ETFDH: variants seen among roughly 807,000 people sequenced by gnomAD.
The protein encoded by ETFDH is electron transfer flavoprotein dehydrogenase, also known as electron transfer flavoprotein-ubiquinone oxidoreductase, mitochondrial.
A neutral mutation model predicts 73.2 loss-of-function variants in ETFDH; 61 were observed. The ratio of observed to expected loss-of-function variants is 0.83; its 90% confidence interval spans 0.68 to 1.03. The LOEUF (loss-of-function observed/expected upper bound fraction) is 1.03. Among genes scored for constraint, ETFDH ranks in the 50% least tolerant of loss-of-function variants. The pLI is 0.00. For synonymous variants in ETFDH, 243 were observed against 253.3 expected (o/e 0.96, Z 0.39); for missense variants, 685 against 745.0 (o/e 0.92, Z 0.94).
At chr4:158,673,012 T>A (rs1773617467) in intron 1 of ETFDH, among the ~76,000 whole-genome samples, 1 of 152,154 alleles carries the variant, frequency 6.6e-6, no homozygotes, top group Admixed American at 6.5e-5. Flanking sequence ...CTGCGTTGTC[T>A]AAAATTAAGG....
At position 158,682,251 on chromosome 4, in the gene ETFDH, C is replaced by G. The variant is rs750630029; in HGVS notation, c.232C>G (p.Pro78Ala). 1.2e-6 allele frequency: 2 copies of G among 1,614,036 alleles called. No individual in the cohort carries two copies. The highest frequency in any genetic ancestry group is 8.5e-7 in the Non-Finnish European group (1 of 1,179,992). ...EADVVIVGAG[P>A]AGLSAAVRLK... ...AGATGTTGTAATAGTTGGTGCAGGC[C>G]CTGCAGGGCTCTCTGCAGCTGTTCG... Residue 78 changes from proline to alanine, a missense_variant, in exon 3 of 13, where the codon CCT becomes GCT. Physicochemically the swap from Pro to Ala is conservative, Grantham distance 27. Transcript: ENST00000511912.
rs1180648942 is a variant in ETFDH at position 158,682,220 on chromosome 4, A to G, written c.201A>G (p.Glu67=). ...GAGTGAACATGGAAAGGTTTGCAGA[A>G]GAAGCAGATGTTGTAATAGTTGGTG... The part of the protein sequence containing the change: ...WEGVNMERFA[E]EADVVIVGAG... Residue 67 remains glutamate, a synonymous_variant, in exon 3 of 13, where the codon GAA becomes GAG. Coordinates refer to ENST00000511912, the MANE Select transcript of ETFDH (RefSeq NM_004453.4). 1.9e-6 allele frequency: 3 copies of G among 1,614,200 alleles called. No homozygotes were observed. The highest frequency in any genetic ancestry group is 3.3e-5 in the Admixed American group (2 of 60,024).
chr4:158,697,817 AT>A, intron 8 of ETFDH, 118 bp downstream of exon 8: 2 of 944,886 alleles, frequency 2.1e-6, no homozygotes, highest in Non-Finnish European at 3.4e-6. Flanking sequence ...AAGCTTTCTA[AT>A]TTTATCAATA....
Position 158,703,575 on chromosome 4 carries a change from C to G in ETFDH, c.1269C>G (p.Leu423=), listed in dbSNP as rs762876224. Residue 423 remains leucine (L), a synonymous_variant, in exon 10 of 13, where the codon CTC becomes CTG. Transcript: ENST00000511912. The stretch of plus-strand genomic sequence containing the variant: ...TTAATCAACTAACTAGTGAAAATCT[C>G]CAATCAAAGACAATAGGTAAGAAAT... ...SIFNQLTSEN[L]QSKTIGLHVT... is the part of the protein sequence containing the mutation. 6.2e-7 allele frequency: 1 copy of G among 1,603,464 alleles called. No homozygotes were observed. The highest frequency in any genetic ancestry group is 8.5e-7 in the Non-Finnish European group (1 of 1,170,732).
rs369624723 is a variant in ETFDH at position 158,677,097 on chromosome 4, G to A, written c.35-3370G>A. Among the ~76,000 whole-genome samples the A allele has an allele frequency of 2.0e-5, 3 of 152,162 alleles. No individual in the cohort carries two copies. The East Asian group carries it at 5.8e-4, about 29-fold the overall frequency. ...AACTGTATTTTTTGTCGTTGCTTGT[G>A]TTTTTGGTTGTTCTATCAAAGAAAC... On this transcript the variant is annotated intron_variant, in intron 1 of 12. Coordinates refer to ENST00000511912, the MANE Select transcript of ETFDH (RefSeq NM_004453.4).
intron 1 of ETFDH, among the ~76,000 whole-genome samples, chr4:158,677,239 G>A (rs1773732645): frequency 6.6e-6 from 1 of 152,224 alleles, no homozygotes; most frequent in Admixed American, 6.5e-5. Flanking sequence ...GAGGTCCTGA[G>A]AACATGTATC....
intron 6 of ETFDH, 96 bp from the exon 7 acceptor site, chr4:158,695,401 T>A: frequency 1.1e-6 from 1 of 909,926 alleles, no homozygotes; most frequent in Non-Finnish European, 1.8e-6. Context: ...CACTGTCTCT[T>A]CTACATCTGA....
At chr4:158,681,833 A>C in intron 2 of ETFDH, 1 of 331,962 alleles carries the variant, frequency 3.0e-6, no homozygotes, top group South Asian at 2.6e-5. Context: ...AGTTTGTGTA[A>C]GTATACTCTA....
intron 6 of ETFDH, 66 bp from the exon 7 acceptor site, chr4:158,695,431 C>A: frequency 7.6e-7 from 1 of 1,310,344 alleles, no homozygotes; most frequent in Non-Finnish European, 1.1e-6. Context: ...CAATTTAAAT[C>A]TGACCAGAAT....
chr4:158,681,491 G>C (rs572567164), intron 2 of ETFDH: 1 of 152,044 alleles, frequency 6.6e-6, no homozygotes, highest in East Asian at 1.9e-4. Flanking sequence ...TATAAATTGC[G>C]TGTAACCTAA....
In ETFDH at chr4:158,697,461, A is replaced by G. The variant is rs562222541; in HGVS notation, c.832-98A>G. 1.5e-5 allele frequency: 15 copies of G among 978,524 alleles called. No homozygotes were observed. In the East Asian group the frequency reaches 3.1e-4, roughly 21 times the overall value. 60.6% of individuals were successfully genotyped at this position (978,524 alleles called of 1,614,324 possible). On this transcript the variant is annotated intron_variant, in intron 7 of 12. Coordinates refer to ENST00000511912, the MANE Select transcript of ETFDH (RefSeq NM_004453.4). ...CAGTTTTTCACTTGTAATTTTCATA[A>G]ATAAGACATTAAACCTGGCAAGTTT...
intron 12 of ETFDH, 115 bp downstream of exon 12, chr4:158,706,965 C>T: frequency 1.4e-6 from 1 of 697,794 alleles, no homozygotes; most frequent in Non-Finnish European, 2.5e-6. Flanking sequence ...TTGTAAATGA[C>T]TTCATCCAGC....
rs1456188483 is a variant in ETFDH at position 158,690,371 on chromosome 4, T to C, written c.630T>C (p.Ser210=). Residue 210 remains serine, a synonymous_variant, in exon 6 of 13, where the codon AGT becomes AGC. Transcript: ENST00000511912. ...AGGTCCTTTTTCATGATGATGGTAG[T>C]GTAAAAGGAATTGCCACTAACGATG... The part of the protein sequence containing the change: ...AAEVLFHDDG[S]VKGIATNDVG... 1 of 1,599,368 alleles carries C rather than the reference T, an allele frequency of 6.3e-7. No homozygotes were observed. Among genetic ancestry groups the C allele is most frequent in the Non-Finnish European group, 8.6e-7 (1 of 1,166,518 alleles).
intron 6 of ETFDH, among the ~76,000 whole-genome samples, chr4:158,693,728 C>T (rs1774238282): frequency 6.6e-6 from 1 of 152,072 alleles, no homozygotes; most frequent in South Asian, 2.1e-4. Context: ...ATACTAAAAA[C>T]CTGTGAAAAA....
At chr4:158,688,545 C>T (rs917762574) in intron 5 of ETFDH, among the ~76,000 whole-genome samples, 9 of 151,366 alleles carry the variant, frequency 5.9e-5, no homozygotes, top group African/African-American at 1.7e-4. Flanking sequence ...TGGTGGTGGG[C>T]ACCTGTAGTC....
chr4:158,676,892 T>C (rs543567893), intron 1 of ETFDH, among the ~76,000 whole-genome samples: 24 of 152,334 alleles, frequency 1.6e-4, no homozygotes, highest in African/African-American at 5.8e-4. Context: ...TGCCCACTTT[T>C]TAATTGGATT....
In ETFDH at chr4:158,680,722, G is replaced by A. The variant is rs1325296975; in HGVS notation, c.175+115G>A. 1.7e-5 allele frequency: 15 copies of A among 896,924 alleles called. No homozygotes were observed. In the Admixed American group the frequency reaches 2.7e-4, roughly 16 times the overall value. 55.6% of individuals were successfully genotyped at this position (896,924 alleles called of 1,614,324 possible). On this transcript the variant is annotated intron_variant, in intron 2 of 12. Transcript: ENST00000511912. ...TAAAAACATCTAATAATATTTTGTG[G>A]CTTTACCAAGTCACATGCTGCATAA... is the stretch of plus-strand genomic sequence containing the variant.
At chr4:158,690,551 C>T (rs1324282978) in intron 6 of ETFDH, 126 bp downstream of exon 6, 5 of 729,934 alleles carry the variant, frequency 6.8e-6, no homozygotes, top group South Asian at 1.4e-5. Context: ...TCGTGGTATA[C>T]ACCTGTAGTC....
chr4:158,705,838 T>C (rs960544165), intron 10 of ETFDH, among the ~76,000 whole-genome samples: 3 of 152,232 alleles, frequency 2.0e-5, no homozygotes, highest in Admixed American at 6.5e-5. Flanking sequence ...CCCAGCACTT[T>C]GGGAGGCTGA....
Sources: allele counts gnomAD v4.1 joint callset (sites outside exome capture counted in the v4.1 genomes callset), GRCh38; gene constraint gnomAD v4.1.1; transcripts MANE v1.5; gene names NCBI Gene and HGNC (gene_info 2026-07-23, HGNC 2026-07-21).